Variants in FHIT observed in about 807,000 individuals in gnomAD.
FHIT encodes the protein fragile histidine triad diadenosine triphosphatase, also known as bis(5'-adenosyl)-triphosphatase.
Under a neutral mutation model 17.9 loss-of-function variants are expected in FHIT, and 19 were observed. The observed-to-expected ratio is 1.06, with a 90% CI of 0.74 to 1.56. The LOEUF is 1.56. Ranked by LOEUF, FHIT falls within the 40% of genes most tolerant of loss-of-function variation. The pLI is 0.00. For synonymous variants in FHIT, 81 were observed against 69.7 expected (o/e 1.16, Z -0.81); for missense variants, 248 against 189.2 (o/e 1.31, Z -1.82).
rs561193653 is a variant in FHIT, at chr3:60,571,610, A to C, written c.-17-34631T>G. On this transcript the variant is annotated intron_variant, in intron 4 of 9. Coordinates refer to ENST00000492590, the MANE Select transcript of FHIT (RefSeq NM_002012.4). ...TCAAGATGAAGAACAAAAGTCGGGC[A>C]TTTCTCTAAGTGTAGAGTCAGGAGG... Among the ~76,000 whole-genome samples, 9 of 152,254 alleles carry C rather than the reference A, an allele frequency of 5.9e-5. No homozygotes were observed. In the South Asian group the frequency reaches 8.3e-4, roughly 14 times the overall value.
chr3:61,210,690 C>T (rs1047611899), intron 1 of FHIT, among the ~76,000 whole-genome samples: 6 of 152,066 alleles, frequency 3.9e-5, no homozygotes, highest in Non-Finnish European at 7.4e-5. Context: ...CCTGATTTTC[C>T]AGGTGCCATC....
chr3:60,403,493 A>G (rs931438918), intron 5 of FHIT, among the ~76,000 whole-genome samples: 1 of 152,038 alleles, frequency 6.6e-6, no homozygotes, highest in Non-Finnish European at 1.5e-5. Flanking sequence ...CTAGCCTCTA[A>G]TTTTCTCCCC....
At chr3:60,169,650 C>T (rs765942382) in intron 5 of FHIT, among the ~76,000 whole-genome samples, 16 of 152,232 alleles carry the variant, frequency 1.1e-4, no homozygotes, top group Admixed American at 2.0e-4. Context: ...AAAGTAATAT[C>T]CTAAGTCAGT....
chr3:59,846,699 T>C (rs911871265), intron 8 of FHIT, among the ~76,000 whole-genome samples: 1 of 152,202 alleles, frequency 6.6e-6, no homozygotes, highest in Non-Finnish European at 1.5e-5. Flanking sequence ...TTCAAGTTAC[T>C]GTCTAGCATC....
chr3:61,036,517 G>C (rs1001278304), intron 3 of FHIT, among the ~76,000 whole-genome samples: 1 of 152,054 alleles, frequency 6.6e-6, no homozygotes, highest in East Asian at 1.9e-4. Flanking sequence ...CCAAAAGCTT[G>C]GCATTCTGCT....
intron 3 of FHIT, among the ~76,000 whole-genome samples, chr3:60,961,331 C>A (rs1227391025): frequency 6.6e-6 from 1 of 152,038 alleles, no homozygotes; most frequent in Non-Finnish European, 1.5e-5. Context: ...GGATATTAGC[C>A]CTTTGTCAGA....
intron 5 of FHIT, among the ~76,000 whole-genome samples, chr3:60,334,386 T>C (rs377566610): frequency 3.3e-5 from 5 of 152,298 alleles, no homozygotes; most frequent in African/African-American, 1.2e-4. Context: ...CAACTAATAA[T>C]ACAAGAGTCT....
intron 4 of FHIT, among the ~76,000 whole-genome samples, chr3:60,726,418 T>C (rs1190120735): frequency 5.3e-5 from 8 of 152,182 alleles, no homozygotes; most frequent in Admixed American, 5.2e-4. Context: ...TGTTTGTCTA[T>C]AGGGCAAAAT....
intron 5 of FHIT, among the ~76,000 whole-genome samples, chr3:60,176,390 G>C (rs1009565502): frequency 2.0e-5 from 3 of 152,054 alleles, no homozygotes; most frequent in African/African-American, 7.2e-5. Flanking sequence ...CATACTAGTA[G>C]CTACTATATT....
At chr3:60,083,105 T>G (rs1184085713) in intron 5 of FHIT, among the ~76,000 whole-genome samples, 1 of 152,182 alleles carries the variant, frequency 6.6e-6, no homozygotes, top group East Asian at 1.9e-4. Context: ...AGGTCTTACA[T>G]TTAAATATTT....
At chr3:60,567,299 A>C (rs1276553994) in intron 4 of FHIT, among the ~76,000 whole-genome samples, 1 of 152,112 alleles carries the variant, frequency 6.6e-6, no homozygotes. Context: ...CCTCAGAAAT[A>C]ATGCCACATA....
At chr3:59,846,028 T>A (rs1238825710) in intron 8 of FHIT, among the ~76,000 whole-genome samples, 1 of 152,140 alleles carries the variant, frequency 6.6e-6, no homozygotes, top group Non-Finnish European at 1.5e-5. Flanking sequence ...TATGATTTTT[T>A]AAAACCATTT....
chr3:60,115,066 G>A (rs1019996237), intron 5 of FHIT, among the ~76,000 whole-genome samples: 2 of 152,050 alleles, frequency 1.3e-5, no homozygotes, highest in South Asian at 2.1e-4. Context: ...AATAAAATAA[G>A]AGCAGAAAAT....
At chr3:61,250,949 G>A (rs926380214) in intron 1 of FHIT, among the ~76,000 whole-genome samples, 16 of 152,198 alleles carry the variant, frequency 1.1e-4, no homozygotes, top group Non-Finnish European at 2.2e-4. Flanking sequence ...TTCGCTACTT[G>A]TCTATGAAAC....
At chr3:60,099,223 T>C (rs535175312) in intron 5 of FHIT, among the ~76,000 whole-genome samples, 1 of 152,138 alleles carries the variant, frequency 6.6e-6, no homozygotes, top group Non-Finnish European at 1.5e-5. Context: ...CTTTGCTCTG[T>C]TTACCTCTTG....
chr3:60,383,281 T>G (rs1307309057), intron 5 of FHIT, among the ~76,000 whole-genome samples: 4 of 152,218 alleles, frequency 2.6e-5, no homozygotes, highest in Non-Finnish European at 4.4e-5. Context: ...ATGGCCTTAA[T>G]AATTTGCCAC....
chr3:59,867,525 G>A (rs1031237210), intron 8 of FHIT, among the ~76,000 whole-genome samples: 1 of 152,000 alleles, frequency 6.6e-6, no homozygotes, highest in Non-Finnish European at 1.5e-5. Context: ...ATCTATCACT[G>A]AAATGATGAC....
chr3:60,260,367 GA>G (rs1348930939), intron 5 of FHIT, among the ~76,000 whole-genome samples: 1 of 148,202 alleles, frequency 6.7e-6, no homozygotes, highest in African/African-American at 2.5e-5. Flanking sequence ...AAAAAAAAAA[GA>G]AAAAAATAGT....
intron 4 of FHIT, among the ~76,000 whole-genome samples, chr3:60,582,226 C>G (rs1171427005): frequency 1.3e-5 from 2 of 151,858 alleles, no homozygotes; most frequent in Admixed American, 1.3e-4. Flanking sequence ...AAATGTATAA[C>G]CAAGGTTGAG....
Sources: allele counts gnomAD v4.1 joint callset (sites outside exome capture counted in the v4.1 genomes callset), GRCh38; gene constraint gnomAD v4.1.1; transcripts MANE v1.5; gene names NCBI Gene and HGNC (gene_info 2026-07-23, HGNC 2026-07-21).